Variants in EDRF1 observed in about 807,000 individuals in gnomAD.
EDRF1 encodes the protein erythroid differentiation-related factor 1.
A neutral mutation model predicts 148.7 loss-of-function variants in EDRF1; 69 were observed. The ratio of observed to expected loss-of-function variants is 0.46; its 90% confidence interval spans 0.38 to 0.57. The LOEUF is 0.57. Among genes scored for constraint, EDRF1 ranks in the 20% least tolerant of loss-of-function variants. The pLI is 0.00. For synonymous variants in EDRF1, 515 were observed against 532.8 expected, an observed-to-expected ratio of 0.97 and a Z score of 0.46; for missense variants, 1,118 against 1,478.7, an observed-to-expected ratio of 0.76 and a Z score of 4.00.
At position 125,735,762 on chromosome 10, in the gene EDRF1, A is replaced by T; in HGVS notation, c.1616A>T (p.Glu539Val). 1.2e-6 allele frequency: 2 copies of T among 1,613,846 alleles called. No homozygotes were observed. The highest frequency in any genetic ancestry group is 1.7e-6 in the Non-Finnish European group (2 of 1,179,808). Reference protein sequence around the residue: ...ENSDESYSEEEEEMPDSDENG... With the variant: ...ENSDESYSEEVEEMPDSDENG... ...TCTGATGAAAGTTATAGTGAAGAGGAGGAAGAGATGCCCGACAGTGATGAA... is the reference window on the plus strand; with the variant it reads ...TCTGATGAAAGTTATAGTGAAGAGGTGGAAGAGATGCCCGACAGTGATGAA... The change falls in exon 13 of 25, where the codon GAG becomes GTG. Residue 539 changes from glutamate (E) to valine (V), a missense_variant. Around this residue, in one of 3 missense-constraint regions of EDRF1, gnomAD observed 954 missense variants for 1,241.4 expected, o/e 0.77. Transcript: ENST00000356792.
rs143916110 is a variant in EDRF1, at chr10:125,734,517, T to A, written c.1497+334T>A. ...TACTAGAAAATTTAAAATTTCTGTA[T>A]GTGACTCATGTTACATTTCTCTCAG... On this transcript the variant is annotated intron_variant, in intron 12 of 24. Coordinates refer to ENST00000356792, the MANE Select transcript of EDRF1 (RefSeq NM_001202438.2). Among the ~76,000 whole-genome samples the A allele has an allele frequency of 2.2e-3, 330 of 152,278 alleles. 2 individuals are homozygous for A. The highest frequency in any genetic ancestry group is 0.01 in the Middle Eastern group (3 of 294).
intron 24 of EDRF1, among the ~76,000 whole-genome samples, chr10:125,755,631 CT>C (rs1212550180): frequency 6.6e-6 from 1 of 152,150 alleles, no homozygotes; most frequent in Non-Finnish European, 1.5e-5. Context: ...CTGGAGTTTA[CT>C]TTGTTGGAAG....
chr10:125,720,589 C>T (rs1359756676), intron 1 of EDRF1, among the ~76,000 whole-genome samples: 10 of 152,136 alleles, frequency 6.6e-5, no homozygotes, highest in Non-Finnish European at 1.5e-4. Context: ...GTGGGTGGAT[C>T]ACCTGAGGTC....
Position 125,748,031 on chromosome 10 carries a change from A to C in EDRF1, c.3123+19A>C. On this transcript the variant is annotated intron_variant, in intron 21 of 24. Transcript: ENST00000356792. ...GAATCAGGTATTGTCAGTCCAAGTT[A>C]AGTACAGTGCCACATCAGTTTAAAA... 1.2e-6 allele frequency: 2 copies of C among 1,613,928 alleles called. No individual in the cohort carries two copies. The highest frequency in any genetic ancestry group is 1.7e-6 in the Non-Finnish European group (2 of 1,179,800).
chr10:125,720,828 G>T (rs907428755), intron 1 of EDRF1, among the ~76,000 whole-genome samples: 2 of 136,902 alleles, frequency 1.5e-5, no homozygotes, highest in Non-Finnish European at 3.2e-5. Context: ...AAAAAAAAAA[G>T]AATTAAAATA....
chr10:125,749,442 C>A lies in EDRF1; in HGVS notation c.3154C>A (p.Arg1052=), dbSNP rs754209987. The A allele has an allele frequency of 3.7e-6, 6 of 1,614,086 alleles. No homozygotes were observed. The highest frequency in any genetic ancestry group is 4.2e-6 in the Non-Finnish European group (5 of 1,180,010). The change falls in exon 22 of 25, where the codon CGG becomes AGG. Residue 1052 remains arginine (R), a synonymous_variant. Transcript: ENST00000356792. ...VGDEHLRKQH[R]VLADLHYSKA... ...TGATGAACACCTTAGGAAACAACAC[C>A]GGGTGCTGGCAGATCTTCATTACAG...
Position 125,738,443 on chromosome 10 carries a change from AAAGT to A in EDRF1, c.1981+3_1981+6del. On this transcript the variant is annotated splice_donor_variant and coding_sequence_variant, in exon 15 of 25. Transcript: ENST00000356792. LOFTEE classifies it high-confidence loss of function. Reference sequence around the variant, plus strand: ...AAGCAGATGGCCTTGTTTTTGGACAAAAGTAAGTTGAATTGATGTGCAAATAAGG... The same window carrying A: ...AAGCAGATGGCCTTGTTTTTGGACAAAAGTTGAATTGATGTGCAAATAAGG... 1 of 1,614,086 alleles carries A rather than the reference AAAGT, an allele frequency of 6.2e-7. No homozygotes were observed.
At chr10:125,736,647 T>C (rs2133704921) in intron 13 of EDRF1, among the ~76,000 whole-genome samples, 1 of 152,258 alleles carries the variant, frequency 6.6e-6, no homozygotes, top group Non-Finnish European at 1.5e-5. Flanking sequence ...CCTTAAAACA[T>C]TGACCATCTT....
intron 23 of EDRF1, among the ~76,000 whole-genome samples, chr10:125,753,479 G>A (rs1334068849): frequency 1.3e-5 from 2 of 152,256 alleles, no homozygotes; most frequent in African/African-American, 2.4e-5. Flanking sequence ...GGAAAGTCAG[G>A]ATTAATTTCT....
chr10:125,747,349 G>C (rs920687264), intron 19 of EDRF1, 187 bp from the exon 20 acceptor site: 2 of 700,304 alleles, frequency 2.9e-6, no homozygotes, highest in Admixed American at 4.8e-5. Context: ...AGTCTACTCG[G>C]AATAACTTTC....
intron 24 of EDRF1, among the ~76,000 whole-genome samples, chr10:125,755,148 G>A (rs989848528): frequency 4.6e-5 from 7 of 152,314 alleles, no homozygotes; most frequent in African/African-American, 1.7e-4. Context: ...CTTTGTAGAG[G>A]CCTTTATCAA....
chr10:125,721,601 A>C (rs778218372), intron 2 of EDRF1, among the ~76,000 whole-genome samples, 189 bp downstream of exon 2: 2 of 152,248 alleles, frequency 1.3e-5, no homozygotes, highest in African/African-American at 4.8e-5. Flanking sequence ...TATACATACA[A>C]TATCAATTGC....
At chr10:125,734,038 T>C (rs1848610409) in intron 11 of EDRF1, 34 bp from the exon 12 acceptor site, 1 of 1,513,888 alleles carries the variant, frequency 6.6e-7, no homozygotes, top group Non-Finnish European at 9.2e-7. Flanking sequence ...AACGATGAAA[T>C]GGGCAGTAAA....
chr10:125,720,015 C>T (rs1589810648), intron 1 of EDRF1, 100 bp downstream of exon 1: 4 of 1,084,984 alleles, frequency 3.7e-6, no homozygotes, highest in East Asian at 2.6e-5. Context: ...CTGGAGGCTT[C>T]TCCATGTTTC....
chr10:125,752,989 G>A, intron 23 of EDRF1, 75 bp downstream of exon 23: 4 of 959,052 alleles, frequency 4.2e-6, no homozygotes, highest in Non-Finnish European at 5.1e-6. Flanking sequence ...GTGGACGTGT[G>A]TGTGTATGTG....
chr10:125,762,297 G>T (rs1162372856), intron 24 of EDRF1, among the ~76,000 whole-genome samples: 3 of 152,160 alleles, frequency 2.0e-5, no homozygotes, highest in Non-Finnish European at 4.4e-5. Context: ...ATGACATTTT[G>T]ACCTTAGTCC....
At chr10:125,759,868 A>G (rs1403386316) in intron 24 of EDRF1, among the ~76,000 whole-genome samples, 2 of 151,718 alleles carry the variant, frequency 1.3e-5, no homozygotes, top group South Asian at 2.1e-4. Context: ...CCGCCACCAC[A>G]CCCGGCTAAT....
At chr10:125,727,435 A>C (rs1004281564) in intron 6 of EDRF1, among the ~76,000 whole-genome samples, 5 of 152,248 alleles carry the variant, frequency 3.3e-5, no homozygotes, top group African/African-American at 1.2e-4. Flanking sequence ...ATAGAGGTTA[A>C]ATAGGTGACT....
chr10:125,757,301 ATCTTTCAT>A (rs1564754969), intron 24 of EDRF1, among the ~76,000 whole-genome samples: 2 of 152,184 alleles, frequency 1.3e-5, no homozygotes, highest in Non-Finnish European at 2.9e-5. Context: ...TACATCGTTA[ATCTTTCAT>A]GAGAGGCCAC....
Sources: allele counts gnomAD v4.1 joint callset (sites outside exome capture counted in the v4.1 genomes callset), GRCh38; gene constraint gnomAD v4.1.1; regional missense constraint gnomAD v4.1.1; transcripts MANE v1.5; gene names NCBI Gene and HGNC (gene_info 2026-07-23, HGNC 2026-07-21).